Variants in TMEM156 observed in about 807,000 individuals in gnomAD.
The protein encoded by TMEM156 is transmembrane protein 156.
In TMEM156, 28 loss-of-function variants were observed where a neutral mutation model predicts 30.5. That is an observed-to-expected ratio of 0.92 (90% confidence interval 0.68 to 1.26). TMEM156 has a LOEUF of 1.26. Among genes scored for constraint, TMEM156 ranks in the 50% most tolerant of loss-of-function variants. The probability of loss-of-function intolerance (pLI) is 0.00; values close to 1 mark genes in which losing one functional copy is unlikely to be tolerated. For missense variants in TMEM156, 351 were observed against 340.6 expected (o/e 1.03, Z -0.24); for synonymous variants, 137 against 119.9 (o/e 1.14, Z -0.93).
chr4:38,973,001 G>T (rs1722682797), intron 5 of TMEM156, among the ~76,000 whole-genome samples: 1 of 152,112 alleles, frequency 6.6e-6, no homozygotes, highest in South Asian at 2.1e-4. Flanking sequence ...AGTTATAAAT[G>T]AGTCGTAGCA....
intron 1 of TMEM156, among the ~76,000 whole-genome samples, chr4:39,007,080 A>T (rs527555720): frequency 6.6e-6 from 1 of 152,174 alleles, no homozygotes; most frequent in Admixed American, 6.5e-5. Context: ...ATCTGTAATG[A>T]CACCTCTGTC....
At position 38,971,021 on chromosome 4, in the gene TMEM156, T is replaced by C. The variant is rs1426392448; in HGVS notation, c.*38+11A>G. On this transcript the variant is annotated intron_variant, in intron 6 of 6. Coordinates refer to ENST00000381938, the MANE Select transcript of TMEM156 (RefSeq NM_024943.3). ...TAATGAAGAAGTCGATAAAGCCGAA[T>C]CATCACTCACCGTGTATATTGATCT... The C allele has an allele frequency of 6.5e-7, 1 of 1,527,570 alleles. No individual in the cohort carries two copies. The highest frequency in any genetic ancestry group is 1.7e-5 in the Admixed American group (1 of 58,468). 94.6% of individuals were successfully genotyped at this position (1,527,570 alleles called of 1,614,324 possible).
At chr4:38,988,027 C>T (rs2109924352) in intron 4 of TMEM156, among the ~76,000 whole-genome samples, 1 of 152,204 alleles carries the variant, frequency 6.6e-6, no homozygotes. Flanking sequence ...AATTTACAAT[C>T]AATGTCCATC....
At chr4:39,009,721 C>A (rs899741630) in intron 1 of TMEM156, among the ~76,000 whole-genome samples, 1 of 152,108 alleles carries the variant, frequency 6.6e-6, no homozygotes, top group African/African-American at 2.4e-5. Context: ...AAGCCCTCAA[C>A]AAACTAGACA....
chr4:38,983,077 C>T (rs6825101), intron 5 of TMEM156, among the ~76,000 whole-genome samples: 9,676 of 152,216 alleles, frequency 0.064, 383 homozygotes, highest in South Asian at 0.1. Flanking sequence ...ATAGGAGTGG[C>T]CCCAGCAGTT....
Position 38,967,203 on chromosome 4 carries a change from A to G in TMEM156, c.*477T>C, listed in dbSNP as rs372218847. 3.9e-5 allele frequency: 6 copies of G among 152,206 alleles called. No individual in the cohort carries two copies. The highest frequency in any genetic ancestry group is 1.4e-4 in the African/African-American group (6 of 41,454). The allele number at this position is 152,206 out of a possible 1,614,324, so 9.4% of individuals were successfully genotyped here. On this transcript the variant is annotated 3_prime_UTR_variant, in exon 7 of 7. Transcript: ENST00000381938. ...ACCAGGCCCTCTTCCCTTTTAAATAATCTGTGAAATAAAAATAATCTATCT... is the reference window on the plus strand; with the variant it reads ...ACCAGGCCCTCTTCCCTTTTAAATAGTCTGTGAAATAAAAATAATCTATCT...
intron 5 of TMEM156, 126 bp downstream of exon 5, chr4:38,986,210 T>C (rs1174595649): frequency 1.5e-6 from 1 of 676,808 alleles, no homozygotes. Context: ...CCCACAGCTC[T>C]GTTATTCCAG....
chr4:38,994,147 C>T, intron 2 of TMEM156, 149 bp from the exon 3 acceptor site: 1 of 734,882 alleles, frequency 1.4e-6, no homozygotes, highest in South Asian at 1.9e-5. Context: ...ATTTTTGAGA[C>T]AGGGTCTCAC....
At chr4:38,976,110 A>C (rs1722838901) in intron 5 of TMEM156, among the ~76,000 whole-genome samples, 1 of 151,868 alleles carries the variant, frequency 6.6e-6, no homozygotes, top group South Asian at 2.1e-4. Flanking sequence ...AACATGGTGA[A>C]ACCCCATCTC....
intron 1 of TMEM156, among the ~76,000 whole-genome samples, chr4:39,010,675 C>T (rs764714563): frequency 1.3e-5 from 2 of 152,172 alleles, no homozygotes; most frequent in African/African-American, 2.4e-5. Context: ...GGAAAGGATA[C>T]TCTATTCAAT....
chr4:38,986,073 T>C (rs1250274377), intron 5 of TMEM156, among the ~76,000 whole-genome samples: 1 of 152,258 alleles, frequency 6.6e-6, no homozygotes, highest in Non-Finnish European at 1.5e-5. Context: ...TCCCTATTGC[T>C]TTCTCTCCTC....
At chr4:39,017,978 T>G (rs919453582) in intron 1 of TMEM156, among the ~76,000 whole-genome samples, 4 of 152,202 alleles carry the variant, frequency 2.6e-5, no homozygotes, top group Admixed American at 2.0e-4. Flanking sequence ...TTTGCCCATT[T>G]ACATTTACTG....
intron 5 of TMEM156, among the ~76,000 whole-genome samples, chr4:38,976,766 C>T (rs1015404608): frequency 6.6e-6 from 1 of 152,170 alleles, no homozygotes; most frequent in African/African-American, 2.4e-5. Context: ...TCATAGAAGC[C>T]TAGGAGCCTG....
intron 1 of TMEM156, among the ~76,000 whole-genome samples, chr4:39,016,126 G>A (rs1714466061): frequency 6.6e-6 from 1 of 152,124 alleles, no homozygotes; most frequent in Non-Finnish European, 1.5e-5. Context: ...CTGTAATCCA[G>A]CACTTTGGGA....
intron 6 of TMEM156, among the ~76,000 whole-genome samples, chr4:38,970,285 T>TC (rs149198093): frequency 0.016 from 2,493 of 152,244 alleles, 26 homozygotes; most frequent in East Asian, 0.062. Flanking sequence ...TTCTCCCTTT[T>TC]AGTTTTCCCA....
intron 4 of TMEM156, 74 bp downstream of exon 4, chr4:38,988,777 A>G (rs1250495594): frequency 6.3e-7 from 1 of 1,582,934 alleles, no homozygotes; most frequent in East Asian, 2.2e-5. Context: ...AAGAAATGCT[A>G]AATTGTACTA....
intron 5 of TMEM156, among the ~76,000 whole-genome samples, chr4:38,984,145 G>C (rs114080329): frequency 7.4e-4 from 112 of 152,282 alleles, no homozygotes; most frequent in African/African-American, 2.6e-3. Context: ...ATTTGATTCA[G>C]TTTGACATCT....
chr4:38,986,373 C>T lies in TMEM156; in HGVS notation c.786G>A (p.Ser262=), dbSNP rs1313016904. The T allele has an allele frequency of 5.0e-6, 8 of 1,613,812 alleles. No homozygotes were observed. The highest frequency in any genetic ancestry group is 6.8e-6 in the Non-Finnish European group (8 of 1,179,858). ...GCACATTCAATGCTCTCAGTTTCTCCGAATCACTTCCTCTTAAGAGAACAG... is the reference window on the plus strand; with the variant it reads ...GCACATTCAATGCTCTCAGTTTCTCTGAATCACTTCCTCTTAAGAGAACAG... ...PTSVLLRGSD[S]EKLRALNVQV... The change falls in exon 5 of 7, where the codon TCG becomes TCA. Residue 262 remains serine (S), a synonymous_variant. Transcript: ENST00000381938.
chr4:39,000,269 G>T (rs1262945512), intron 1 of TMEM156, among the ~76,000 whole-genome samples: 1 of 152,054 alleles, frequency 6.6e-6, no homozygotes, highest in Non-Finnish European at 1.5e-5. Context: ...GTGCACTCCT[G>T]TAGTCCTTAC....
Sources: allele counts gnomAD v4.1 joint callset (sites outside exome capture counted in the v4.1 genomes callset), GRCh38; gene constraint gnomAD v4.1.1; transcripts MANE v1.5; gene names NCBI Gene and HGNC (gene_info 2026-07-23, HGNC 2026-07-21).